The following DLGAP1 variants were observed in gnomAD, a reference collection of about 807,000 sequenced individuals.
DLGAP1 encodes the protein DLG associated protein 1, also known as disks large-associated protein 1.
DLGAP1 carries 11 observed loss-of-function variants against 90.8 expected under a neutral mutation model. The observed-to-expected ratio is 0.12, with a 90% CI of 0.08 to 0.20. The LOEUF (loss-of-function observed/expected upper bound fraction) is 0.20. Among genes scored for constraint, DLGAP1 ranks in the 10% least tolerant of loss-of-function variants. The pLI is 1.00. For missense variants in DLGAP1, 1,050 were observed against 1,333.8 expected (o/e 0.79, Z 3.31); for synonymous variants, 558 against 540.7 (o/e 1.03, Z -0.44).
intron 1 of DLGAP1, among the ~76,000 whole-genome samples, chr18:4,364,320 T>C (rs1426960108): frequency 1.3e-5 from 2 of 149,006 alleles, no homozygotes; most frequent in Non-Finnish European, 3.0e-5. Flanking sequence ...GACGAGTTAA[T>C]GGGTGCAGCA....
intron 3 of DLGAP1, among the ~76,000 whole-genome samples, chr18:3,938,854 G>T (rs1303817281): frequency 1.3e-5 from 2 of 152,176 alleles, no homozygotes; most frequent in Non-Finnish European, 2.9e-5. Flanking sequence ...TAGTGGACAA[G>T]ACTGGAAACA....
At position 3,732,817 on chromosome 18, in the gene DLGAP1, C is replaced by CT. The variant is rs555030710; in HGVS notation, c.1351-3443dup. Among the ~76,000 whole-genome samples the CT allele has an allele frequency of 1.1e-3, 163 of 151,922 alleles. 2 individuals are homozygous for CT. The highest frequency in any genetic ancestry group is 3.8e-3 in the African/African-American group (158 of 41,452). On this transcript the variant is annotated intron_variant, in intron 6 of 12. Coordinates refer to ENST00000315677, the MANE Select transcript of DLGAP1 (RefSeq NM_004746.4). The stretch of plus-strand genomic sequence containing the variant: ...TCAGTATGTTTCCAAAAAGCCCTTT[C>CT]TTTTTTTAGTGGGAAATGGTATTAC...
At chr18:3,989,988 TGCTGGAGAGGATGTGGAGAAATA>T (rs1301814066) in intron 3 of DLGAP1, among the ~76,000 whole-genome samples, 1 of 151,946 alleles carries the variant, frequency 6.6e-6, no homozygotes, top group Non-Finnish European at 1.5e-5. Flanking sequence ...AAACAACAGG[TGCTGGAGAGGATGTGGAGAAATA>T]GGAACACTTT....
At chr18:4,154,717 C>G (rs188356094) in intron 1 of DLGAP1, among the ~76,000 whole-genome samples, 121 of 152,234 alleles carry the variant, frequency 7.9e-4, no homozygotes, top group African/African-American at 2.8e-3. Context: ...TACCTAGCCT[C>G]TCTCAGTTTT....
intron 10 of DLGAP1, among the ~76,000 whole-genome samples, chr18:3,531,883 T>G (rs1443212553): frequency 3.3e-5 from 5 of 152,008 alleles, no homozygotes; most frequent in Non-Finnish European, 7.4e-5. Context: ...GGAGACAGAG[T>G]TTCACTCTGT....
chr18:4,169,019 C>A (rs868471502), intron 1 of DLGAP1, among the ~76,000 whole-genome samples: 1 of 152,270 alleles, frequency 6.6e-6, no homozygotes, highest in South Asian at 2.1e-4. Flanking sequence ...CATTAGTATA[C>A]AAATATCTCT....
At chr18:4,423,221 GATTA>G (rs909544438) in intron 1 of DLGAP1, among the ~76,000 whole-genome samples, 1 of 152,008 alleles carries the variant, frequency 6.6e-6, no homozygotes, top group African/African-American at 2.4e-5. Context: ...CTGGAAAATG[GATTA>G]ATCAAAAAAT....
At chr18:3,952,080 G>T (rs1454599064) in intron 3 of DLGAP1, among the ~76,000 whole-genome samples, 1 of 152,158 alleles carries the variant, frequency 6.6e-6, no homozygotes, top group Non-Finnish European at 1.5e-5. Flanking sequence ...ATAATAGAGA[G>T]ATAGTTAGGA....
At chr18:3,501,203 C>T (rs1443523098) in intron 12 of DLGAP1, among the ~76,000 whole-genome samples, 1 of 148,688 alleles carries the variant, frequency 6.7e-6, no homozygotes, top group African/African-American at 2.5e-5. Context: ...CAGACATGAG[C>T]CACCATGCCC....
chr18:3,926,411 TATATATATATACAC>T (rs1461801237), intron 3 of DLGAP1, among the ~76,000 whole-genome samples: 4 of 51,716 alleles, frequency 7.7e-5, no homozygotes, highest in South Asian at 6.2e-4. Context: ...CATATATATA[TATATATATATACAC>T]ACACACACAC....
At chr18:4,418,592 TAG>T (rs1362170089) in intron 1 of DLGAP1, among the ~76,000 whole-genome samples, 1 of 152,124 alleles carries the variant, frequency 6.6e-6, no homozygotes, top group African/African-American at 2.4e-5. Context: ...GCTTCATTAG[TAG>T]ACTCAACATA....
At chr18:3,733,501 G>A (rs2062522330) in intron 6 of DLGAP1, among the ~76,000 whole-genome samples, 1 of 152,144 alleles carries the variant, frequency 6.6e-6, no homozygotes, top group Non-Finnish European at 1.5e-5. Context: ...GTACTGTGTT[G>A]CCAGTGTTTT....
At chr18:4,105,898 G>A (rs562452927) in intron 2 of DLGAP1, among the ~76,000 whole-genome samples, 105 of 152,024 alleles carry the variant, frequency 6.9e-4, no homozygotes, top group African/African-American at 2.3e-3. Context: ...CGGGCGTGGT[G>A]GCGGGCACCT....
chr18:4,442,867 A>G (rs2615865), intron 1 of DLGAP1, among the ~76,000 whole-genome samples: 47,280 of 152,068 alleles, frequency 0.31, 7,608 homozygotes, highest in Non-Finnish European at 0.32. Context: ...CCATGGCTCC[A>G]CAAGGGCATG....
At chr18:3,644,301 C>G (rs955069441) in intron 7 of DLGAP1, among the ~76,000 whole-genome samples, 1 of 152,114 alleles carries the variant, frequency 6.6e-6, no homozygotes, top group African/African-American at 2.4e-5. Context: ...TGTAGCAAAA[C>G]GTAACCTCAT....
At chr18:3,689,308 A>C (rs1232220357) in intron 7 of DLGAP1, among the ~76,000 whole-genome samples, 1 of 152,220 alleles carries the variant, frequency 6.6e-6, no homozygotes, top group Non-Finnish European at 1.5e-5. Flanking sequence ...CAGCTAGAGC[A>C]ACAAAGTTAA....
intron 1 of DLGAP1, among the ~76,000 whole-genome samples, chr18:4,310,891 C>G (rs762496891): frequency 6.6e-6 from 1 of 152,160 alleles, no homozygotes; most frequent in Non-Finnish European, 1.5e-5. Flanking sequence ...ATCATCTTAG[C>G]AATTCTCTGA....
intron 7 of DLGAP1, among the ~76,000 whole-genome samples, chr18:3,623,899 G>C (rs1394174346): frequency 1.3e-5 from 2 of 152,096 alleles, no homozygotes; most frequent in Non-Finnish European, 2.9e-5. Context: ...TCCCCGTGCG[G>C]ATGCCCGTTT....
At chr18:4,132,577 T>A (rs1301847540) in intron 2 of DLGAP1, among the ~76,000 whole-genome samples, 3 of 152,182 alleles carry the variant, frequency 2.0e-5, no homozygotes, top group African/African-American at 7.2e-5. Flanking sequence ...TATTTCCACC[T>A]GCACTTTCAT....
Sources: gnomAD v4.1 joint callset for allele counts (sites outside exome capture counted in the v4.1 genomes callset) on GRCh38, gnomAD v4.1.1 for gene constraint, MANE v1.5 for transcripts, NCBI Gene and HGNC (gene_info 2026-07-23, HGNC 2026-07-21) for gene names.